SUGCT: variants seen among roughly 807,000 people sequenced by gnomAD.
SUGCT encodes the protein succinyl-CoA:glutarate-CoA transferase.
A neutral mutation model predicts 55.0 loss-of-function variants in SUGCT; 41 were observed. The ratio of observed to expected loss-of-function variants is 0.74; its 90% CI spans 0.58 to 0.97. The LOEUF is 0.97. Ranked by LOEUF, SUGCT falls within the 50% of genes least tolerant of loss-of-function variation. The pLI is 0.00. For synonymous variants in SUGCT, 187 were observed against 200.4 expected, an observed-to-expected ratio of 0.93 and a Z score of 0.56; for missense variants, 568 against 547.8, an observed-to-expected ratio of 1.04 and a Z score of -0.37.
intron 13 of SUGCT, among the ~76,000 whole-genome samples, chr7:40,854,702 G>A (rs903251878): frequency 1.3e-5 from 2 of 151,972 alleles, no homozygotes; most frequent in Non-Finnish European, 2.9e-5. Flanking sequence ...AGCTACTTGG[G>A]AGGCTGAGGT....
the SUGCT span, among the ~76,000 whole-genome samples, chr7:40,917,725 CT>C: frequency 6.6e-6 from 1 of 152,150 alleles, no homozygotes; most frequent in Non-Finnish European, 1.5e-5. Flanking sequence ...CAGATTTGGC[CT>C]TTGGCGAGGG....
At chr7:40,214,518 C>T (rs1787512474) in intron 6 of SUGCT, among the ~76,000 whole-genome samples, 1 of 152,132 alleles carries the variant, frequency 6.6e-6, no homozygotes, top group African/African-American at 2.4e-5. Flanking sequence ...TTGTGATTCG[C>T]ACCTCTTTGT....
chr7:40,907,834 T>G, the SUGCT span, among the ~76,000 whole-genome samples: 1 of 152,198 alleles, frequency 6.6e-6, no homozygotes, highest in Non-Finnish European at 1.5e-5. Flanking sequence ...TTTGACATCA[T>G]CCTCACCAAA....
At chr7:40,278,418 A>G (rs573674914) in intron 8 of SUGCT, among the ~76,000 whole-genome samples, 2 of 152,304 alleles carry the variant, frequency 1.3e-5, no homozygotes, top group South Asian at 2.1e-4. Flanking sequence ...CAGCCATCCC[A>G]TTACTGGTTA....
At chr7:40,825,464 A>G (rs1009003250) in intron 13 of SUGCT, among the ~76,000 whole-genome samples, 14 of 152,158 alleles carry the variant, frequency 9.2e-5, no homozygotes, top group African/African-American at 2.2e-4. Flanking sequence ...TAGGGTTTCA[A>G]ATTTTCTGTG....
intron 12 of SUGCT, among the ~76,000 whole-genome samples, chr7:40,630,683 C>T (rs1036081017): frequency 6.6e-6 from 1 of 152,154 alleles, no homozygotes; most frequent in African/African-American, 2.4e-5. Context: ...TCTGAATCCT[C>T]ATGACAGAAA....
the SUGCT span, among the ~76,000 whole-genome samples, chr7:40,899,225 C>T: frequency 6.6e-6 from 1 of 152,166 alleles, no homozygotes; most frequent in African/African-American, 2.4e-5. Flanking sequence ...TCTGGCCGCC[C>T]GCCCTCCTTC....
chr7:40,147,814 C>G (rs376270524), intron 1 of SUGCT, among the ~76,000 whole-genome samples: 23 of 152,322 alleles, frequency 1.5e-4, no homozygotes, highest in Non-Finnish European at 7.4e-5. Flanking sequence ...TCACAGGAGA[C>G]CCCCCAAATT....
At chr7:41,001,047 A>G in the SUGCT span, among the ~76,000 whole-genome samples, 1 of 152,206 alleles carries the variant, frequency 6.6e-6, no homozygotes. Context: ...GAGATGACAG[A>G]CAAGTCGGGA....
chr7:40,149,287 G>A (rs1219945796), intron 1 of SUGCT, among the ~76,000 whole-genome samples: 1 of 152,136 alleles, frequency 6.6e-6, no homozygotes, highest in Non-Finnish European at 1.5e-5. Flanking sequence ...TAGTGAAAGA[G>A]ATCTAACTTA....
At chr7:40,194,423 G>A (rs1245849885) in intron 5 of SUGCT, among the ~76,000 whole-genome samples, 1 of 151,872 alleles carries the variant, frequency 6.6e-6, no homozygotes, top group African/African-American at 2.4e-5. Context: ...ACCGTGTCTG[G>A]CTAATTTTTG....
intron 13 of SUGCT, among the ~76,000 whole-genome samples, chr7:40,763,261 A>G (rs74338147): frequency 0.15 from 22,423 of 152,126 alleles, 1,742 homozygotes; most frequent in Middle Eastern, 0.22. Context: ...TGCTTTATAC[A>G]GGAGTATTTA....
the SUGCT span, among the ~76,000 whole-genome samples, chr7:41,008,862 G>A: frequency 2.0e-5 from 3 of 151,992 alleles, no homozygotes; most frequent in Non-Finnish European, 4.4e-5. Flanking sequence ...CTGCTGCCTC[G>A]TGGTCACCCG....
chr7:40,526,897 TGA>T (rs1201733842), intron 12 of SUGCT, among the ~76,000 whole-genome samples: 1 of 152,200 alleles, frequency 6.6e-6, no homozygotes, highest in African/African-American at 2.4e-5. Flanking sequence ...CCAGAAGATG[TGA>T]ATAAAAACAT....
At chr7:40,878,727 C>T in the SUGCT span, among the ~76,000 whole-genome samples, 1 of 151,898 alleles carries the variant, frequency 6.6e-6, no homozygotes, top group Non-Finnish European at 1.5e-5. Flanking sequence ...GATCAACACC[C>T]TCCACCAGAA....
the SUGCT span, among the ~76,000 whole-genome samples, chr7:40,947,578 T>C: frequency 6.6e-6 from 1 of 152,124 alleles, no homozygotes; most frequent in African/African-American, 2.4e-5. Flanking sequence ...TAATACAGTA[T>C]AGCAATTCTG....
intron 13 of SUGCT, among the ~76,000 whole-genome samples, chr7:40,760,531 C>A (rs1419890200): frequency 3.9e-5 from 6 of 151,938 alleles, no homozygotes; most frequent in Admixed American, 1.3e-4. Flanking sequence ...AATAGTTGCA[C>A]AACAATGTGA....
intron 12 of SUGCT, among the ~76,000 whole-genome samples, chr7:40,688,022 C>T (rs1784540334): frequency 6.6e-6 from 1 of 152,184 alleles, no homozygotes; most frequent in Admixed American, 6.5e-5. Context: ...TGGAACTCTT[C>T]ATCCTTCAAC....
At chr7:40,480,382 A>G (rs1003238594) in intron 11 of SUGCT, among the ~76,000 whole-genome samples, 15 of 151,984 alleles carry the variant, frequency 9.9e-5, no homozygotes, top group African/African-American at 2.2e-4. Context: ...TTATGTGTCT[A>G]TTTTTATGCC....
Sources: allele counts gnomAD v4.1 joint callset (sites outside exome capture counted in the v4.1 genomes callset), GRCh38; gene constraint gnomAD v4.1.1; transcripts MANE v1.5; gene names NCBI Gene and HGNC (gene_info 2026-07-23, HGNC 2026-07-21).